Variants in SLC6A19 observed in about 807,000 individuals in gnomAD.
SLC6A19 encodes the protein solute carrier family 6 member 19.
In SLC6A19, 67 loss-of-function variants were observed where a neutral mutation model predicts 68.3. The ratio of observed to expected loss-of-function variants is 0.98; its 90% CI spans 0.81 to 1.20. The LOEUF is 1.20. SLC6A19 is among the 50% of genes most tolerant of loss of function. The pLI is 0.00. For synonymous variants in SLC6A19, 392 were observed against 374.9 expected (o/e 1.05, Z -0.53); for missense variants, 813 against 851.6 (o/e 0.95, Z 0.56).
chr5:1,219,344 G>T (rs904855872), intron 9 of SLC6A19, among the ~76,000 whole-genome samples, 161 bp from the exon 10 acceptor site: 2 of 150,376 alleles, frequency 1.3e-5, no homozygotes, highest in Non-Finnish European at 3.0e-5. Context: ...CAGCCGCCGG[G>T]CATGTGAGCA....
chr5:1,217,797 A>T (rs1324346391), intron 8 of SLC6A19, among the ~76,000 whole-genome samples: 3 of 152,212 alleles, frequency 2.0e-5, no homozygotes, highest in Non-Finnish European at 2.9e-5. Context: ...TTGCACAGCC[A>T]TGTGCAGCAC....
chr5:1,211,832 G>A (rs1220248195), intron 3 of SLC6A19, among the ~76,000 whole-genome samples: 5 of 149,268 alleles, frequency 3.3e-5, no homozygotes, highest in Admixed American at 6.7e-5. Context: ...GTGTGTGCAT[G>A]TGCATGTGTG....
In SLC6A19 at chr5:1,216,877, G is replaced by A. The variant is rs751744792; in HGVS notation, c.1105G>A (p.Ala369Thr). 2.1e-5 allele frequency: 34 copies of A among 1,613,592 alleles called. No individual in the cohort carries two copies. Among genetic ancestry groups the A allele is most frequent in the African/African-American group, 8.0e-5 (6 of 74,944 alleles). ...NFVDMQQRCN[A>T]SDPAAYAQLV... Reference sequence around the variant, plus strand: ...TGTGGACATGCAGCAGCGGTGCAACGCCTCCGACCCCGCGGCCTACGCGCA... The same window carrying A: ...TGTGGACATGCAGCAGCGGTGCAACACCTCCGACCCCGCGGCCTACGCGCA... Residue 369 changes from alanine (A) to threonine (T), a missense_variant, in exon 8 of 12, where the codon GCC becomes ACC. By Grantham distance (58) the Ala-to-Thr change is moderately conservative. Transcript: ENST00000304460.
In SLC6A19 at chr5:1,221,333, C is replaced by T. The variant is rs1384441153; in HGVS notation, c.1701+20C>T. The T allele has an allele frequency of 6.2e-7, 1 of 1,611,756 alleles. No individual in the cohort carries two copies. Among genetic ancestry groups the T allele is most frequent in the Non-Finnish European group, 8.5e-7 (1 of 1,179,964 alleles). ...GGCTACGTAAGTGTCCAGGCAGTCGCCTGGGGTGGGGAGAGGAATGGGGAA... is the reference window on the plus strand; with the variant it reads ...GGCTACGTAAGTGTCCAGGCAGTCGTCTGGGGTGGGGAGAGGAATGGGGAA... On this transcript the variant is annotated intron_variant, in intron 11 of 11. Transcript: ENST00000304460.
intron 2 of SLC6A19, among the ~76,000 whole-genome samples, chr5:1,210,209 GGC>G (rs1561163778): frequency 8.5e-4 from 56 of 66,076 alleles, no homozygotes; most frequent in African/African-American, 3.7e-3. Flanking sequence ...GAGCCGGGAA[GGC>G]GTGTGCAGGG....
In SLC6A19 at chr5:1,220,409, CAAAA is replaced by C. The variant is rs70957336; in HGVS notation, c.1539-727_1539-724del. 6.6e-5 allele frequency among the ~76,000 whole-genome samples: 7 copies of C among 105,686 alleles called. No individual in the cohort carries two copies. In the East Asian group the frequency reaches 9.1e-4, roughly 14 times the overall value. 69.3% of individuals were successfully genotyped at this position (105,686 alleles called of 152,430 possible). ...TGGGTGACAAAATGAGGCTCCATCT[CAAAA>C]AAAAAAAAAAAAAAGAGGAAGAAAA... is the stretch of plus-strand genomic sequence containing the variant. On this transcript the variant is annotated intron_variant, in intron 10 of 11. Transcript: ENST00000304460.
At chr5:1,218,866 G>A in intron 8 of SLC6A19, 37 bp from the exon 9 acceptor site, 1 of 1,603,256 alleles carries the variant, frequency 6.2e-7, no homozygotes, top group Non-Finnish European at 8.5e-7. Context: ...AGCCCACGGA[G>A]GGCAGAGGCC....
chr5:1,214,024 C>T lies in SLC6A19; in HGVS notation c.846C>T (p.Ala282=), dbSNP rs1240979887. ...AGGTCTTCTTCTCCTTCTCCCTGGC[C>T]TTCGGGGGCCTCATCTCCTTCTCCA... ...GAQVFFSFSL[A]FGGLISFSSY... is the part of the protein sequence containing the mutation. Residue 282 remains alanine, a synonymous_variant, in exon 6 of 12, where the codon GCC becomes GCT. Coordinates refer to ENST00000304460, the MANE Select transcript of SLC6A19 (RefSeq NM_001003841.3). This position sits in a 1 kb window ranked among gnomAD's most constrained non-coding sequence, Gnocchi z 7.4. The T allele has an allele frequency of 1.2e-6, 2 of 1,613,886 alleles. No homozygotes were observed. The highest frequency in any genetic ancestry group is 8.5e-7 in the Non-Finnish European group (1 of 1,180,014).
chr5:1,204,404 G>T (rs1483715885), intron 1 of SLC6A19, among the ~76,000 whole-genome samples: 2 of 152,230 alleles, frequency 1.3e-5, no homozygotes, highest in Non-Finnish European at 2.9e-5. Flanking sequence ...TGGGTGTGAT[G>T]GCGGAGCCCC....
At position 1,221,263 on chromosome 5, in the gene SLC6A19, G is replaced by A. The variant is rs142269451; in HGVS notation, c.1651G>A (p.Val551Met). Residue 551 changes from valine to methionine, a missense_variant, in exon 11 of 12, where the codon GTG becomes ATG. Val to Met is a conservative substitution (Grantham distance 21, BLOSUM62 1). Transcript: ENST00000304460. Reference sequence around the variant, plus strand: ...GCTGATCATCTTCCTCTTCTTCTTCGTGGTAGAGGTCAGTCAGGAGCTGAC... The same window carrying A: ...GCTGATCATCTTCCTCTTCTTCTTCATGGTAGAGGTCAGTCAGGAGCTGAC... ...LMLIIFLFFF[V>M]VEVSQELTYS... The A allele has an allele frequency of 8.6e-5, 139 of 1,614,090 alleles. 1 individual carries two copies. The highest frequency in any genetic ancestry group is 6.5e-4 in the African/African-American group (49 of 75,046).
chr5:1,218,903 GC>G lies in SLC6A19; in HGVS notation c.1176del (p.Val393TrpfsTer83). 3.1e-6 allele frequency: 5 copies of G among 1,613,242 alleles called. No homozygotes were observed. The highest frequency in any genetic ancestry group is 4.2e-6 in the Non-Finnish European group (5 of 1,179,994). ...TCDINAFLSE[A>X]VEGTGLAFIV... The stretch of plus-strand genomic sequence containing the variant: ...TGGTGACTGTGTGTCATCCGTGCAG[GC>G]CGTGGAGGGCACAGGCCTGGCCTTC... On this transcript the variant is annotated frameshift_variant and splice_region_variant, in exon 9 of 12. Coordinates refer to ENST00000304460, the MANE Select transcript of SLC6A19 (RefSeq NM_001003841.3). LOFTEE classifies it high-confidence loss of function.
chr5:1,208,645 C>T, intron 1 of SLC6A19, 101 bp from the exon 2 acceptor site: 1 of 1,537,444 alleles, frequency 6.5e-7, no homozygotes. Flanking sequence ...GTGGGCCGGC[C>T]ATAGGGGCTG....
At chr5:1,213,019 GC>G (rs1746088579) in intron 4 of SLC6A19, among the ~76,000 whole-genome samples, 3 of 92,444 alleles carry the variant, frequency 3.2e-5, no homozygotes, top group South Asian at 3.5e-4. Context: ...CGCAGGCCCT[GC>G]CCCCCATCCC....
rs1337155963 is a variant in SLC6A19, at chr5:1,222,345, TA to T, written c.*442del. ...GCATATGTGTGAACACACACGTGTATACATGCATGCACATGTGCTCGTACAA... is the reference window on the plus strand; with the variant it reads ...GCATATGTGTGAACACACACGTGTATCATGCATGCACATGTGCTCGTACAA... On this transcript the variant is annotated 3_prime_UTR_variant, in exon 12 of 12. Transcript: ENST00000304460. 2 of 493,424 alleles carry T rather than the reference TA, an allele frequency of 4.1e-6. No individual in the cohort carries two copies. The highest frequency in any genetic ancestry group is 3.0e-5 in the East Asian group (1 of 33,074). 30.6% of individuals were successfully genotyped at this position (493,424 alleles called of 1,614,324 possible).
Position 1,213,941 on chromosome 5 carries a change from C to T in SLC6A19, c.775-12C>T. ...TGCACCATGAGTGGCTGAGGGTCTC[C>T]ATGTGGCGCAGGTCACGGAGCTGGC... On this transcript the variant is annotated splice_polypyrimidine_tract_variant and intron_variant, in intron 5 of 11. Coordinates refer to ENST00000304460, the MANE Select transcript of SLC6A19 (RefSeq NM_001003841.3). 1 of 1,612,614 alleles carries T rather than the reference C, an allele frequency of 6.2e-7. No individual in the cohort carries two copies. Among genetic ancestry groups the T allele is most frequent in the East Asian group, 2.2e-5 (1 of 44,862 alleles).
intron 10 of SLC6A19, 66 bp from the exon 11 acceptor site, chr5:1,221,085 A>G (rs1746366910): frequency 6.3e-7 from 1 of 1,581,356 alleles, no homozygotes; most frequent in African/African-American, 1.4e-5. Flanking sequence ...AGCAGAACGT[A>G]CAGAAAGCTT....
intron 1 of SLC6A19, 44 bp from the exon 2 acceptor site, chr5:1,208,702 C>T: frequency 6.2e-7 from 1 of 1,612,912 alleles, no homozygotes. Context: ...CTTCCTGCTC[C>T]CCCGGGAACG....
In SLC6A19 at chr5:1,213,483, G is replaced by C; in HGVS notation, c.684G>C (p.Thr228=). The stretch of plus-strand genomic sequence containing the variant: ...CGCAGGCCGTGTACATCACCTCCAC[G>C]CTGCCCTATGTCGTCCTGACCATCT... ...TTGKAVYITS[T]LPYVVLTIFL... is the part of the protein sequence containing the mutation. The change falls in exon 5 of 12, where the codon ACG becomes ACC. Residue 228 remains threonine (T), a synonymous_variant. Transcript: ENST00000304460. 2.1e-6 allele frequency: 3 copies of C among 1,429,080 alleles called. No individual in the cohort carries two copies. Among genetic ancestry groups the C allele is most frequent in the Middle Eastern group, 1.9e-4 (1 of 5,174 alleles). 88.5% of individuals were successfully genotyped at this position (1,429,080 alleles called of 1,614,324 possible). A position where few individuals can be genotyped will look rare whatever the true frequency, so the allele number is the denominator to read the frequency against.
At chr5:1,216,222 G>A (rs950346629) in intron 6 of SLC6A19, among the ~76,000 whole-genome samples, 3 of 152,200 alleles carry the variant, frequency 2.0e-5, no homozygotes, top group Non-Finnish European at 4.4e-5. Flanking sequence ...GTCCCTAGAG[G>A]CTTGACGGAG....
Sources: allele counts gnomAD v4.1 joint callset (sites outside exome capture counted in the v4.1 genomes callset), GRCh38; gene constraint gnomAD v4.1.1; non-coding constraint Gnocchi (gnomAD v3.1); transcripts MANE v1.5; gene names NCBI Gene and HGNC (gene_info 2026-07-23, HGNC 2026-07-21).